CFDP1: variants seen among roughly 807,000 people sequenced by gnomAD.
The protein encoded by CFDP1 is heterochromatin-stabilizing protein CFDP1.
In CFDP1, 31 loss-of-function variants were observed where a neutral mutation model predicts 40.1. That is an observed-to-expected ratio of 0.77 (90% CI 0.58 to 1.04). The LOEUF (loss-of-function observed/expected upper bound fraction) is 1.04, where lower values mean the gene tolerates loss of function less well. Ranked by LOEUF, CFDP1 falls within the 50% of genes least tolerant of loss-of-function variation. The pLI is 0.00. For synonymous variants in CFDP1, 167 were observed against 120.0 expected (o/e 1.39, Z -2.56); for missense variants, 423 against 343.4 (o/e 1.23, Z -1.83).
chr16:75,419,623 G>A (rs2045128048), intron 1 of CFDP1, among the ~76,000 whole-genome samples: 3 of 152,138 alleles, frequency 2.0e-5, no homozygotes, highest in Admixed American at 2.0e-4. Flanking sequence ...GGAGGTTAAG[G>A]CATTCTAAGT....
chr16:75,374,441 G>C lies in CFDP1; in HGVS notation c.650+20649C>G, dbSNP rs535644588. On this transcript the variant is annotated intron_variant, in intron 5 of 6. Transcript: ENST00000283882. ...AATAAAAAACACTTATATGTGAACAGAAAAGTATCTCATACAGATACACAT... is the reference window on the plus strand; with the variant it reads ...AATAAAAAACACTTATATGTGAACACAAAAGTATCTCATACAGATACACAT... Among the ~76,000 whole-genome samples the C allele has an allele frequency of 8.0e-4, 121 of 152,160 alleles. No homozygotes were observed. In the South Asian group the frequency reaches 0.024, roughly 30 times the overall value.
chr16:75,329,398 A>C (rs1453371041), intron 5 of CFDP1, among the ~76,000 whole-genome samples: 3 of 152,208 alleles, frequency 2.0e-5, no homozygotes, highest in African/African-American at 7.2e-5. Flanking sequence ...TGTACAGTAC[A>C]TTCTGACTTT....
chr16:75,339,960 C>T (rs992666849), intron 5 of CFDP1, among the ~76,000 whole-genome samples: 2 of 152,176 alleles, frequency 1.3e-5, no homozygotes, highest in African/African-American at 2.4e-5. Flanking sequence ...GCTTTGCTTA[C>T]CAAACAAATC....
At position 75,433,445 on chromosome 16, in the gene CFDP1, C is replaced by CGGCGACGGCAGCTAGGGCG; in HGVS notation, c.-112_-94dup. 2 of 1,307,022 alleles carry CGGCGACGGCAGCTAGGGCG rather than the reference C, an allele frequency of 1.5e-6. No homozygotes were observed. The highest frequency in any genetic ancestry group is 2.5e-5 in the East Asian group (1 of 39,490). The allele number at this position is 1,307,022 out of a possible 1,614,324, so 81.0% of individuals were successfully genotyped here. A position where few individuals can be genotyped will look rare whatever the true frequency, so the allele number is the denominator to read the frequency against. On this transcript the variant is annotated 5_prime_UTR_variant, in exon 1 of 7. The change creates a premature stop within an existing upstream ORF in the 5' untranslated region. Transcript: ENST00000283882. ...GGGAGAGACCATAGAGCCCCGGCGG[C>CGGCGACGGCAGCTAGGGCG]GGCGACGGCAGCTAGGGCGGCCCCC...
intron 1 of CFDP1, among the ~76,000 whole-genome samples, chr16:75,417,607 T>C (rs1437070499): frequency 6.6e-6 from 1 of 152,168 alleles, no homozygotes; most frequent in Non-Finnish European, 1.5e-5. Flanking sequence ...CAGCTCCTTA[T>C]AAGGGTCAGG....
At chr16:75,396,723 A>C (rs1018386817) in intron 4 of CFDP1, among the ~76,000 whole-genome samples, 1 of 112,566 alleles carries the variant, frequency 8.9e-6, no homozygotes, top group African/African-American at 2.8e-5. Context: ...CTGAGTCCTA[A>C]AGGCTCAAAT....
At chr16:75,380,397 C>T (rs760127589) in intron 5 of CFDP1, among the ~76,000 whole-genome samples, 2 of 151,920 alleles carry the variant, frequency 1.3e-5, no homozygotes, top group African/African-American at 2.4e-5. Context: ...TGGTTACAGC[C>T]GGCAGGGTGG....
At chr16:75,416,836 C>A (rs2079211885) in intron 1 of CFDP1, among the ~76,000 whole-genome samples, 1 of 124,538 alleles carries the variant, frequency 8.0e-6, no homozygotes, top group Non-Finnish European at 1.8e-5. Context: ...GCATTTGAGG[C>A]TGAGGTGGAA....
At chr16:75,380,961 TTAC>T (rs2078847232) in intron 5 of CFDP1, among the ~76,000 whole-genome samples, 2 of 152,180 alleles carry the variant, frequency 1.3e-5, no homozygotes, top group Non-Finnish European at 2.9e-5. Flanking sequence ...AAACTAGAAC[TTAC>T]TAATAGACAA....
chr16:75,394,954 T>C, intron 5 of CFDP1, 136 bp downstream of exon 5: 2 of 1,090,564 alleles, frequency 1.8e-6, no homozygotes, highest in Non-Finnish European at 2.6e-6. Context: ...TTCTGGTAAA[T>C]ATTGCAGCAA....
chr16:75,300,570 A>G (rs912880786), intron 6 of CFDP1, among the ~76,000 whole-genome samples: 16 of 152,188 alleles, frequency 1.1e-4, no homozygotes, highest in Admixed American at 1.0e-3. Context: ...TACAGGCGTG[A>G]GCCACCATGC....
intron 6 of CFDP1, among the ~76,000 whole-genome samples, chr16:75,300,721 C>T (rs1312152191): frequency 6.6e-6 from 1 of 151,938 alleles, no homozygotes; most frequent in Non-Finnish European, 1.5e-5. Flanking sequence ...CTTGGACAAC[C>T]AGAAGGTGAT....
At chr16:75,366,352 A>G (rs116054296) in intron 5 of CFDP1, among the ~76,000 whole-genome samples, 2,363 of 152,306 alleles carry the variant, frequency 0.016, 60 homozygotes, top group African/African-American at 0.053. Flanking sequence ...AAAACACCTT[A>G]TAGCGAGGCC....
intron 5 of CFDP1, among the ~76,000 whole-genome samples, chr16:75,333,702 G>C (rs928413544): frequency 5.3e-5 from 8 of 152,156 alleles, no homozygotes; most frequent in Admixed American, 3.3e-4. Context: ...CCCAGGAAAT[G>C]GCTCTGTCAA....
chr16:75,387,028 A>G (rs2032017031), intron 5 of CFDP1, among the ~76,000 whole-genome samples: 2 of 152,252 alleles, frequency 1.3e-5, no homozygotes. Flanking sequence ...CAATACCTAT[A>G]AAGGCTTATT....
intron 5 of CFDP1, among the ~76,000 whole-genome samples, chr16:75,389,212 C>A (rs946944633): frequency 5.3e-5 from 8 of 152,150 alleles, no homozygotes; most frequent in Non-Finnish European, 4.4e-5. Context: ...GCTGAGAAAA[C>A]TGGATGCAAG....
intron 5 of CFDP1, among the ~76,000 whole-genome samples, chr16:75,352,096 T>C (rs1306489149): frequency 6.8e-6 from 1 of 148,112 alleles, no homozygotes; most frequent in African/African-American, 2.5e-5. Flanking sequence ...ATCCCAGCAC[T>C]CCGGGAGGCT....
At chr16:75,382,498 A>T (rs1042151014) in intron 5 of CFDP1, among the ~76,000 whole-genome samples, 1 of 152,236 alleles carries the variant, frequency 6.6e-6, no homozygotes, top group Admixed American at 6.5e-5. Context: ...AAGTTAGCCC[A>T]ATAGGAAAGC....
intron 5 of CFDP1, among the ~76,000 whole-genome samples, chr16:75,322,959 C>T (rs1470355711): frequency 6.6e-6 from 1 of 152,096 alleles, no homozygotes; most frequent in Non-Finnish European, 1.5e-5. Context: ...CGGCCAAGGA[C>T]ATTACTGCAC....
Sources: allele counts gnomAD v4.1 joint callset (sites outside exome capture counted in the v4.1 genomes callset), GRCh38; gene constraint gnomAD v4.1.1; transcripts MANE v1.5; gene names NCBI Gene and HGNC (gene_info 2026-07-23, HGNC 2026-07-21).